Variants in KCNIP3 observed in about 807,000 individuals in gnomAD.
KCNIP3 encodes the protein calsenilin.
In KCNIP3, 28 loss-of-function variants were observed where a neutral mutation model predicts 35.0. The observed-to-expected ratio is 0.80, with a 90% CI of 0.59 to 1.10. KCNIP3 has a LOEUF of 1.10. KCNIP3 is among the 50% of genes least tolerant of loss of function. The pLI, the probability that KCNIP3 is intolerant of heterozygous loss-of-function variation, is 0.00. For synonymous variants in KCNIP3, 134 were observed against 133.8 expected (o/e 1.00, Z -0.01); for missense variants, 295 against 338.4 (o/e 0.87, Z 1.01).
chr2:95,312,386 C>A (rs1678343590), intron 2 of KCNIP3: 1 of 152,332 alleles, frequency 6.6e-6, no homozygotes, highest in South Asian at 2.1e-4. Flanking sequence ...GGGGGACCAC[C>A]CCTGCACGGC....
intron 2 of KCNIP3, 60 bp downstream of exon 2, chr2:95,310,580 G>A: frequency 1.9e-6 from 3 of 1,598,212 alleles, no homozygotes; most frequent in Non-Finnish European, 2.6e-6. Context: ...TCTGAGCACT[G>A]TCCTTTCTGA....
intron 2 of KCNIP3, among the ~76,000 whole-genome samples, chr2:95,353,278 A>G (rs1034234573): frequency 1.3e-5 from 2 of 152,184 alleles, no homozygotes; most frequent in African/African-American, 4.8e-5. Context: ...AGCACTCCCC[A>G]CACAACTGAT....
chr2:95,301,841 G>A (rs1313538051), intron 1 of KCNIP3, among the ~76,000 whole-genome samples: 2 of 152,112 alleles, frequency 1.3e-5, no homozygotes, highest in African/African-American at 2.4e-5. Context: ...CCAGAGGGCT[G>A]GGGCCCAGGG....
At chr2:95,327,928 A>G (rs1251363463) in intron 2 of KCNIP3, among the ~76,000 whole-genome samples, 1 of 152,148 alleles carries the variant, frequency 6.6e-6, no homozygotes, top group African/African-American at 2.4e-5. Flanking sequence ...CCAAACTTCC[A>G]TGCTAAACTT....
intron 2 of KCNIP3, 136 bp from the exon 3 acceptor site, chr2:95,374,160 C>CTG (rs745836916): frequency 2.5e-4 from 275 of 1,099,498 alleles, no homozygotes; most frequent in Non-Finnish European, 3.2e-4. Flanking sequence ...AGTGCACAGC[C>CTG]TGTGTGGCTG....
chr2:95,325,823 A>ACT (rs1244167407), intron 2 of KCNIP3, among the ~76,000 whole-genome samples: 3 of 147,168 alleles, frequency 2.0e-5, no homozygotes, highest in African/African-American at 5.1e-5. Flanking sequence ...ACACACATAC[A>ACT]CATACACTCA....
At chr2:95,369,331 C>A (rs1160447800) in intron 2 of KCNIP3, among the ~76,000 whole-genome samples, 2 of 152,012 alleles carry the variant, frequency 1.3e-5, no homozygotes, top group African/African-American at 2.4e-5. Flanking sequence ...GTGTATTATT[C>A]TTTTTATTCA....
At chr2:95,348,838 CCTT>C (rs1679443015) in intron 2 of KCNIP3, among the ~76,000 whole-genome samples, 1 of 152,160 alleles carries the variant, frequency 6.6e-6, no homozygotes, top group African/African-American at 2.4e-5. Context: ...GATCCTGTCA[CCTT>C]CATAAACTGG....
intron 2 of KCNIP3, among the ~76,000 whole-genome samples, chr2:95,350,933 TCTC>T (rs1295263514): frequency 6.6e-6 from 1 of 152,022 alleles, no homozygotes; most frequent in African/African-American, 2.4e-5. Flanking sequence ...TGCAGCCACT[TCTC>T]CTGAGCAGTG....
chr2:95,324,507 C>G (rs1233869927), intron 2 of KCNIP3, among the ~76,000 whole-genome samples: 3 of 70,082 alleles, frequency 4.3e-5, no homozygotes. Flanking sequence ...AGCGAGACTC[C>G]GTCTCAAAAT....
In KCNIP3 at chr2:95,384,804, G is replaced by A. The variant is rs1224480110; in HGVS notation, c.*755G>A. 6.6e-6 allele frequency: 1 copy of A among 152,596 alleles called. No homozygotes were observed. The highest frequency in any genetic ancestry group is 1.5e-5 in the Non-Finnish European group (1 of 68,346). The allele number at this position is 152,596 out of a possible 1,614,324, so 9.5% of individuals were successfully genotyped here. ...GGGATTGGGTCGTGGTGGAGAATCT[G>A]AGGGCACTCTCTGCCAGCTCCACAG... On this transcript the variant is annotated 3_prime_UTR_variant, in exon 9 of 9. Transcript: ENST00000295225.
intron 2 of KCNIP3, among the ~76,000 whole-genome samples, chr2:95,343,889 C>T (rs1446720506): frequency 1.3e-5 from 2 of 152,048 alleles, no homozygotes; most frequent in Non-Finnish European, 2.9e-5. Flanking sequence ...GGAGTGACCC[C>T]CCACCCCGAC....
chr2:95,309,227 C>T (rs1456310591), intron 1 of KCNIP3, among the ~76,000 whole-genome samples: 2 of 152,192 alleles, frequency 1.3e-5, no homozygotes, highest in South Asian at 2.1e-4. Context: ...TGGCCAGCGG[C>T]AGCCTGCGGT....
In KCNIP3 at chr2:95,382,370, C is replaced by G. The variant is rs764934273; in HGVS notation, c.556-7C>G. On this transcript the variant is annotated splice_polypyrimidine_tract_variant and splice_region_variant and intron_variant, in intron 6 of 8. Coordinates refer to ENST00000295225, the MANE Select transcript of KCNIP3 (RefSeq NM_013434.5). The surrounding 1 kb of genome is among the most constrained non-coding windows in gnomAD (Gnocchi z 4.5). ...TGCAGCAGGCTCATGCCAGCCTCCC[C>G]CTCCAGGAGATGCTGGCCATCATGA... The G allele has an allele frequency of 3.8e-6, 6 of 1,568,934 alleles. No homozygotes were observed. The highest frequency in any genetic ancestry group is 3.7e-5 in the Admixed American group (2 of 53,914).
intron 2 of KCNIP3, among the ~76,000 whole-genome samples, chr2:95,334,507 G>C (rs1679009287): frequency 6.6e-6 from 1 of 152,192 alleles, no homozygotes; most frequent in South Asian, 2.1e-4. Context: ...GAGAGAGGTG[G>C]GAAAGCCACG....
intron 1 of KCNIP3, among the ~76,000 whole-genome samples, chr2:95,307,657 A>G (rs1678209168): frequency 1.3e-5 from 2 of 152,148 alleles, no homozygotes; most frequent in Non-Finnish European, 2.9e-5. Flanking sequence ...CTCCCGCACG[A>G]CCTGGGCCTG....
intron 2 of KCNIP3, among the ~76,000 whole-genome samples, chr2:95,324,833 C>T (rs1678696422): frequency 6.6e-6 from 1 of 151,780 alleles, no homozygotes; most frequent in Non-Finnish European, 1.5e-5. Context: ...ATGGCTTGAA[C>T]CTGGGAGGCT....
chr2:95,333,555 G>A (rs531761387), intron 2 of KCNIP3, among the ~76,000 whole-genome samples: 2 of 152,318 alleles, frequency 1.3e-5, no homozygotes, highest in South Asian at 4.1e-4. Flanking sequence ...CAGAGCACGT[G>A]CTCAGGATAG....
chr2:95,325,892 C>G (rs189636255), intron 2 of KCNIP3, among the ~76,000 whole-genome samples: 6,590 of 151,168 alleles, frequency 0.044, 202 homozygotes, highest in Non-Finnish European at 0.064. Flanking sequence ...TACACACACT[C>G]ATAGACACAC....
Sources: gnomAD v4.1 joint callset for allele counts (sites outside exome capture counted in the v4.1 genomes callset) on GRCh38, gnomAD v4.1.1 for gene constraint, Gnocchi (gnomAD v3.1) non-coding constraint, MANE v1.5 for transcripts, NCBI Gene and HGNC (gene_info 2026-07-23, HGNC 2026-07-21) for gene names.